The following TRRAP variants were observed in gnomAD, a reference collection of about 807,000 sequenced individuals.
TRRAP encodes the protein transformation/transcription domain-associated protein.
A neutral mutation model predicts 438.8 loss-of-function variants in TRRAP; 41 were observed. The ratio of observed to expected loss-of-function variants is 0.09; its 90% CI spans 0.07 to 0.12. TRRAP has a LOEUF of 0.12. Ranked by LOEUF, TRRAP falls within the 10% of genes least tolerant of loss-of-function variation. The pLI is 1.00. For synonymous variants in TRRAP, 1,994 were observed against 1,962.9 expected, an observed-to-expected ratio of 1.02 and a Z score of -0.42; for missense variants, 3,122 against 5,055.1, an observed-to-expected ratio of 0.62 and a Z score of 11.60.
Position 98,908,978 on chromosome 7 carries a change from A to G in TRRAP, c.1350+16A>G, listed in dbSNP as rs781901838. The G allele has an allele frequency of 1.9e-6, 3 of 1,589,606 alleles. No homozygotes were observed. In the East Asian group the frequency reaches 6.7e-5, roughly 36 times the overall value. Reference sequence around the variant, plus strand: ...GATGCTGGAGGTACCAGCTCTTCTGAGAGTATCATCCATCCTGCACTCTAT... The same window carrying G: ...GATGCTGGAGGTACCAGCTCTTCTGGGAGTATCATCCATCCTGCACTCTAT... On this transcript the variant is annotated intron_variant, in intron 14 of 72. Transcript: ENST00000456197. This position sits in a 1 kb window ranked among gnomAD's most constrained non-coding sequence, Gnocchi z 4.1.
At chr7:98,881,327 C>T in intron 2 of TRRAP, 77 bp downstream of exon 2, 5 of 1,365,312 alleles carry the variant, frequency 3.7e-6, no homozygotes, top group East Asian at 2.5e-5. Flanking sequence ...AATCCCAGCA[C>T]TTTGGGAGGC....
chr7:98,955,984 G>A (rs774803171), intron 41 of TRRAP, among the ~76,000 whole-genome samples, 162 bp from the exon 42 acceptor site: 14 of 152,154 alleles, frequency 9.2e-5, no homozygotes, highest in Non-Finnish European at 1.9e-4. Context: ...GAATTTCCTC[G>A]CTCAGGTTAG....
chr7:98,931,119 G>T (rs1790304698), intron 25 of TRRAP, among the ~76,000 whole-genome samples: 1 of 152,226 alleles, frequency 6.6e-6, no homozygotes, highest in South Asian at 2.1e-4. Flanking sequence ...TTCCGGAGGA[G>T]CTGCATTCTT....
rs1791195618 is a variant in TRRAP, at chr7:98,948,717, C to T, written c.4788+32C>T. 1 of 1,613,874 alleles carries T rather than the reference C, an allele frequency of 6.2e-7. No individual in the cohort carries two copies. The highest frequency in any genetic ancestry group is 8.5e-7 in the Non-Finnish European group (1 of 1,180,014). On this transcript the variant is annotated intron_variant, in intron 35 of 72. Coordinates refer to ENST00000456197, the MANE Select transcript of TRRAP (RefSeq NM_001375524.1). The surrounding 1 kb of genome is among the most constrained non-coding windows in gnomAD (Gnocchi z 4.9). The stretch of plus-strand genomic sequence containing the variant: ...GCTGTGAGCAGCTGGAGTCAGGGGT[C>T]CCTTCAAATGCTTGTGAGCTGTCGT...
chr7:98,931,506 G>A lies in TRRAP; in HGVS notation c.3693G>A (p.Val1231=). Residue 1231 remains valine (V), a synonymous_variant, in exon 26 of 73, where the codon GTG becomes GTA. Coordinates refer to ENST00000456197, the MANE Select transcript of TRRAP (RefSeq NM_001375524.1). ...ACGAGGAGAGAGCCGAAGAGATCGT[G>A]GCCGCCCAGGAAAAGTCTTTCCACC... ...LKDEERAEEI[V]AAQEKSFHHV... 1 of 1,614,072 alleles carries A rather than the reference G, an allele frequency of 6.2e-7. No homozygotes were observed. Among genetic ancestry groups the A allele is most frequent in the South Asian group, 1.1e-5 (1 of 91,060 alleles).
At position 98,971,814 on chromosome 7, in the gene TRRAP, A is replaced by G. The variant is rs1179806728; in HGVS notation, c.7708A>G (p.Ile2570Val). 1 of 1,614,084 alleles carries G rather than the reference A, an allele frequency of 6.2e-7. No individual in the cohort carries two copies. The highest frequency in any genetic ancestry group is 8.5e-7 in the Non-Finnish European group (1 of 1,180,012). The change falls in exon 53 of 73, where the codon ATC becomes GTC. Residue 2570 changes from isoleucine to valine, a missense_variant. Physicochemically the swap from Ile to Val is conservative, Grantham distance 29. Transcript: ENST00000456197. Reference protein sequence around the residue: ...ESKEEDVEIDIELAPGDQTST... With the variant: ...ESKEEDVEIDVELAPGDQTST... ...TGTTTCTTAGGATGTAGAGATAGAC[A>G]TCGAACTAGCTCCTGGGGATCAGAC...
intron 3 of TRRAP, among the ~76,000 whole-genome samples, chr7:98,882,936 G>A (rs1393275813): frequency 1.3e-5 from 2 of 152,258 alleles, no homozygotes; most frequent in African/African-American, 4.8e-5. Context: ...TGGGATTACA[G>A]GCATGGGCCA....
intron 69 of TRRAP, among the ~76,000 whole-genome samples, chr7:99,007,973 C>A (rs1265465940): frequency 4.0e-5 from 6 of 151,828 alleles, no homozygotes; most frequent in East Asian, 1.9e-4. Flanking sequence ...TTACAGGCAC[C>A]TGCCACCACT....
In TRRAP at chr7:98,885,667, A is replaced by AATATAT. The variant is rs112055398; in HGVS notation, c.150+3656_150+3661dup. On this transcript the variant is annotated intron_variant, in intron 3 of 72. Transcript: ENST00000456197. ...CAAGCTGCTAAAACAAGCTGTTTAA[A>AATATAT]ATATATATATATATATATGAAGAGG... Among the ~76,000 whole-genome samples, 984 of 149,050 alleles carry AATATAT rather than the reference A, an allele frequency of 6.6e-3. 8 individuals carry two copies. Among genetic ancestry groups the AATATAT allele is most frequent in the African/African-American group, 0.023 (953 of 40,832 alleles).
At chr7:98,898,557 G>T (rs1207876893) in intron 8 of TRRAP, among the ~76,000 whole-genome samples, 1 of 152,102 alleles carries the variant, frequency 6.6e-6, no homozygotes, top group Admixed American at 6.5e-5. Context: ...TCCTCCTTTT[G>T]TTGTTCTTAG....
chr7:98,981,489 C>A (rs1047305700), intron 58 of TRRAP, among the ~76,000 whole-genome samples: 1 of 152,176 alleles, frequency 6.6e-6, no homozygotes, highest in East Asian at 1.9e-4. Flanking sequence ...TGATCAGTTT[C>A]TTTTCTTTGG....
chr7:98,984,512 AAC>A (rs1278635312), intron 61 of TRRAP, among the ~76,000 whole-genome samples, 154 bp downstream of exon 61: 3 of 152,192 alleles, frequency 2.0e-5, no homozygotes, highest in Non-Finnish European at 1.5e-5. Flanking sequence ...GTCCTTCCAA[AAC>A]ACAAAAGGGA....
intron 12 of TRRAP, among the ~76,000 whole-genome samples, chr7:98,904,390 G>A (rs978041169): frequency 6.6e-6 from 1 of 150,766 alleles, no homozygotes; most frequent in Non-Finnish European, 1.5e-5. Flanking sequence ...GGCTGAGGCA[G>A]GAGAATGGTG....
Position 98,948,133 on chromosome 7 carries a change from T to TA in TRRAP, c.4549-87dup, listed in dbSNP as rs1428601864. On this transcript the variant is annotated intron_variant, in intron 33 of 72. Coordinates refer to ENST00000456197, the MANE Select transcript of TRRAP (RefSeq NM_001375524.1). This position sits in a 1 kb window ranked among gnomAD's most constrained non-coding sequence, Gnocchi z 4.9. ...CACTGCCTAGCCTTGCCAACATAGT[T>TA]AGACTATAGTAGGGTCTGTAGTGAC... The TA allele has an allele frequency of 4.5e-6, 7 of 1,571,630 alleles. No homozygotes were observed. The African/African-American group carries it at 9.4e-5, about 21-fold the overall frequency.
In TRRAP at chr7:98,956,260, G is replaced by T; in HGVS notation, c.6052G>T (p.Glu2018Ter). 6.2e-7 allele frequency: 1 copy of T among 1,614,210 alleles called. No individual in the cohort carries two copies. Among genetic ancestry groups the T allele is most frequent in the Non-Finnish European group, 8.5e-7 (1 of 1,180,034 alleles). ...GAGGCGGCTGGCCGTGGACCTGTCT[G>T]AAGTCGTCATCAAGTGGGAGCTGCA... ...EQRRLAVDLS[E>*]VVIKWELQRI... Residue 2018 changes from glutamate to a stop codon, truncating the protein, a stop_gained, in exon 42 of 73, where the codon GAA (glutamate) becomes TAA (stop). Transcript: ENST00000456197. LOFTEE classifies it high-confidence loss of function. This position sits in a 1 kb window ranked among gnomAD's most constrained non-coding sequence, Gnocchi z 4.5.
At chr7:98,978,368 G>C (rs2116739283) in intron 57 of TRRAP, 45 bp downstream of exon 57, 1 of 1,521,666 alleles carries the variant, frequency 6.6e-7, no homozygotes, top group East Asian at 2.3e-5. Flanking sequence ...TCAGTTAAGG[G>C]AACCAGGGAA....
At chr7:98,978,139 T>C in intron 56 of TRRAP, 72 bp from the exon 57 acceptor site, 1 of 1,392,248 alleles carries the variant, frequency 7.2e-7, no homozygotes, top group Non-Finnish European at 1.0e-6. Flanking sequence ...TAGTTCTAAG[T>C]TTTAAATTTA....
Position 98,970,190 on chromosome 7 carries a change from G to A in TRRAP, c.7591G>A (p.Val2531Ile), listed in dbSNP as rs1331659399. The A allele has an allele frequency of 6.2e-7, 1 of 1,613,864 alleles. No homozygotes were observed. Residue 2531 changes from valine (V) to isoleucine (I), a missense_variant, in exon 52 of 73, where the codon GTC becomes ATC. By Grantham distance (29) the Val-to-Ile change is conservative (BLOSUM62 3). Coordinates refer to ENST00000456197, the MANE Select transcript of TRRAP (RefSeq NM_001375524.1). ...QGAMLPSITN[V>I]INLADSHDRA... ...AGCCATGCTCCCGTCCATCACCAAC[G>A]TCATCAACCTGGCCGATAGCCACGA...
intron 39 of TRRAP, among the ~76,000 whole-genome samples, chr7:98,952,880 C>A (rs1584353522): frequency 6.6e-6 from 1 of 152,170 alleles, no homozygotes; most frequent in Non-Finnish European, 1.5e-5. Flanking sequence ...ACGAAAGGAG[C>A]CAGTTTCTTG....
Sources: gnomAD v4.1 joint callset for allele counts (sites outside exome capture counted in the v4.1 genomes callset) on GRCh38, gnomAD v4.1.1 for gene constraint, Gnocchi (gnomAD v3.1) non-coding constraint, MANE v1.5 for transcripts, NCBI Gene and HGNC (gene_info 2026-07-23, HGNC 2026-07-21) for gene names.